RFX2: variants seen among roughly 807,000 people sequenced by gnomAD.
RFX2 encodes DNA-binding protein RFX2.
Under a neutral mutation model 87.8 loss-of-function variants are expected in RFX2, and 20 were observed. The observed-to-expected ratio is 0.23, with a 90% CI of 0.16 to 0.33. RFX2 has a LOEUF of 0.33. RFX2 is among the 10% of genes least tolerant of loss of function. RFX2 has a pLI of 1.00. For missense variants in RFX2, 767 were observed against 1,012.3 expected, an observed-to-expected ratio of 0.76 and a Z score of 3.29; for synonymous variants, 397 against 431.3, an observed-to-expected ratio of 0.92 and a Z score of 0.98.
intron 1 of RFX2, among the ~76,000 whole-genome samples, chr19:6,105,720 T>G (rs1320240307): frequency 2.0e-5 from 3 of 151,806 alleles, no homozygotes; most frequent in Non-Finnish European, 4.4e-5. Flanking sequence ...CATGGTCAGG[T>G]TCTGGGGAAC....
At position 6,007,263 on chromosome 19, in the gene RFX2, C is replaced by T; in HGVS notation, c.1248-97G>A. 1 of 1,302,680 alleles carries T rather than the reference C, an allele frequency of 7.7e-7. No homozygotes were observed. The highest frequency in any genetic ancestry group is 1.1e-6 in the Non-Finnish European group (1 of 935,794). 80.7% of individuals were successfully genotyped at this position (1,302,680 alleles called of 1,614,324 possible). On this transcript the variant is annotated intron_variant, in intron 11 of 17. Coordinates refer to ENST00000303657, the MANE Select transcript of RFX2 (RefSeq NM_000635.4). This position sits in a 1 kb window ranked among gnomAD's most constrained non-coding sequence, Gnocchi z 8.2. ...GAGAGCCGGGCTGCGGGACTTTTGC[C>T]CAACAGTGGGGCTGGGGTTTTGCTC...
Position 6,016,066 on chromosome 19 carries a change from G to A in RFX2, c.779+24C>T. ...CTTGGGAAAGGAAGAGGAAGAACAGGTGGGCTGGGGATCGTCTACCCACCT... is the reference window on the plus strand; with the variant it reads ...CTTGGGAAAGGAAGAGGAAGAACAGATGGGCTGGGGATCGTCTACCCACCT... On this transcript the variant is annotated intron_variant, in intron 7 of 17. Coordinates refer to ENST00000303657, the MANE Select transcript of RFX2 (RefSeq NM_000635.4). This position sits in a 1 kb window ranked among gnomAD's most constrained non-coding sequence, Gnocchi z 5.4. 6.4e-7 allele frequency: 1 copy of A among 1,564,448 alleles called. No homozygotes were observed. The highest frequency in any genetic ancestry group is 8.7e-7 in the Non-Finnish European group (1 of 1,151,740).
At position 6,045,802 on chromosome 19, in the gene RFX2, G is replaced by C. The variant is rs1458195039; in HGVS notation, c.91-1520C>G. On this transcript the variant is annotated intron_variant, in intron 2 of 17. Coordinates refer to ENST00000303657, the MANE Select transcript of RFX2 (RefSeq NM_000635.4). The surrounding 1 kb of genome is among the most constrained non-coding windows in gnomAD (Gnocchi z 5.2). ...TTCTCCTGCCTCAGCTTCCCGAGTA[G>C]CTGGGATTACAAGCATGTGCCACAA... Among the ~76,000 whole-genome samples, 1 of 152,062 alleles carries C rather than the reference G, an allele frequency of 6.6e-6. No homozygotes were observed. Among genetic ancestry groups the C allele is most frequent in the African/African-American group, 2.4e-5 (1 of 41,398 alleles).
chr19:6,063,490 T>C lies in RFX2; in HGVS notation c.-8-15986A>G, dbSNP rs1415909991. Among the ~76,000 whole-genome samples the C allele has an allele frequency of 2.0e-5, 3 of 152,120 alleles. No homozygotes were observed. The highest frequency in any genetic ancestry group is 6.5e-5 in the Admixed American group (1 of 15,278). On this transcript the variant is annotated intron_variant, in intron 1 of 17. Transcript: ENST00000303657. The surrounding 1 kb of genome is among the most constrained non-coding windows in gnomAD (Gnocchi z 4.0). ...GTCCATGCACCTGCCAGGGTGGGGA[T>C]GGACAAGACCCCTCCAGCAGGGCCA...
intron 1 of RFX2, among the ~76,000 whole-genome samples, chr19:6,092,614 C>A (rs561074326): frequency 6.6e-6 from 1 of 152,188 alleles, no homozygotes; most frequent in African/African-American, 2.4e-5. Flanking sequence ...CCAAGAGGCA[C>A]ACGCGAGCAT....
chr19:6,044,099 G>A lies in RFX2; in HGVS notation c.180+94C>T. ...CTGAAGCTTACAACAAGGAACAGCAGCCACAGAAAAGGATGCATCCTTCAG... is the reference window on the plus strand; with the variant it reads ...CTGAAGCTTACAACAAGGAACAGCAACCACAGAAAAGGATGCATCCTTCAG... On this transcript the variant is annotated intron_variant, in intron 3 of 17. Transcript: ENST00000303657. This position sits in a 1 kb window ranked among gnomAD's most constrained non-coding sequence, Gnocchi z 5.3. The A allele has an allele frequency of 1.6e-6, 1 of 617,942 alleles. No individual in the cohort carries two copies. The highest frequency in any genetic ancestry group is 2.4e-6 in the Non-Finnish European group (1 of 412,532). 38.3% of individuals were successfully genotyped at this position (617,942 alleles called of 1,614,324 possible).
chr19:6,055,210 G>C (rs2144794655), intron 1 of RFX2, among the ~76,000 whole-genome samples: 1 of 152,266 alleles, frequency 6.6e-6, no homozygotes, highest in East Asian at 1.9e-4. Flanking sequence ...ATCCAATGTT[G>C]TAAGTACATG....
intron 6 of RFX2, chr19:6,019,871 T>G (rs527725812): frequency 2.0e-5 from 3 of 152,336 alleles, no homozygotes; most frequent in Admixed American, 1.3e-4. Context: ...CGGAGCCAGG[T>G]TTGCCCATGT....
chr19:6,102,941 G>A (rs1599936135), intron 1 of RFX2, among the ~76,000 whole-genome samples: 1 of 152,254 alleles, frequency 6.6e-6, no homozygotes. Flanking sequence ...ACTCCAGCCT[G>A]GACAAGAGAG....
intron 3 of RFX2, among the ~76,000 whole-genome samples, chr19:6,043,423 G>A (rs10424464): frequency 2.0e-5 from 3 of 152,238 alleles, no homozygotes; most frequent in Non-Finnish European, 2.9e-5. Flanking sequence ...GAAGAGCGGT[G>A]CATTCTCTAG....
At position 6,047,919 on chromosome 19, in the gene RFX2, G is replaced by A. The variant is rs1367956917; in HGVS notation, c.-8-415C>T. 2.0e-5 allele frequency among the ~76,000 whole-genome samples: 3 copies of A among 152,204 alleles called. No homozygotes were observed. Among genetic ancestry groups the A allele is most frequent in the African/African-American group, 4.8e-5 (2 of 41,444 alleles). ...AAGCTACTGCACCCCAAACGACAAC[G>A]GGAGAAACTCTAAGGCTGGGTTTCC... On this transcript the variant is annotated intron_variant, in intron 1 of 17. Coordinates refer to ENST00000303657, the MANE Select transcript of RFX2 (RefSeq NM_000635.4). This position sits in a 1 kb window ranked among gnomAD's most constrained non-coding sequence, Gnocchi z 4.2.
Position 5,998,698 on chromosome 19 carries a change from C to T in RFX2, c.1860-1485G>A, listed in dbSNP as rs1194265829. On this transcript the variant is annotated intron_variant, in intron 15 of 17. Coordinates refer to ENST00000303657, the MANE Select transcript of RFX2 (RefSeq NM_000635.4). The surrounding 1 kb of genome is among the most constrained non-coding windows in gnomAD (Gnocchi z 4.2). ...CACTCTGCAACCAGCTTCCCCACAG[C>T]CCCGGTGTCTGGTGCGATGCTTCAG... Among the ~76,000 whole-genome samples, 1 of 152,168 alleles carries T rather than the reference C, an allele frequency of 6.6e-6. No individual in the cohort carries two copies. Among genetic ancestry groups the T allele is most frequent in the Non-Finnish European group, 1.5e-5 (1 of 68,038 alleles).
chr19:6,091,787 A>G (rs905548944), intron 1 of RFX2, among the ~76,000 whole-genome samples: 1 of 152,234 alleles, frequency 6.6e-6, no homozygotes, highest in Non-Finnish European at 1.5e-5. Context: ...AGGAACTCTG[A>G]GTCTAAGCCG....
intron 1 of RFX2, among the ~76,000 whole-genome samples, chr19:6,070,281 G>A (rs2087587634): frequency 6.6e-6 from 1 of 151,034 alleles, no homozygotes; most frequent in Non-Finnish European, 1.5e-5. Context: ...CAGAACACAG[G>A]TGGGCTTGGC....
rs1043749243 is a variant in RFX2, at chr19:6,056,973, C to T, written c.-8-9469G>A. On this transcript the variant is annotated intron_variant, in intron 1 of 17. Coordinates refer to ENST00000303657, the MANE Select transcript of RFX2 (RefSeq NM_000635.4). The surrounding 1 kb of genome is among the most constrained non-coding windows in gnomAD (Gnocchi z 4.6). ...CCTCCCTCGTGCCTCAGAAATATGCCCGGAGTGCTGTTTATAAGCTGAGCA... is the reference window on the plus strand; with the variant it reads ...CCTCCCTCGTGCCTCAGAAATATGCTCGGAGTGCTGTTTATAAGCTGAGCA... Among the ~76,000 whole-genome samples the T allele has an allele frequency of 6.6e-6, 1 of 152,140 alleles. No homozygotes were observed. Among genetic ancestry groups the T allele is most frequent in the Non-Finnish European group, 1.5e-5 (1 of 68,040 alleles).
intron 1 of RFX2, among the ~76,000 whole-genome samples, chr19:6,062,959 C>G (rs1306604623): frequency 6.6e-6 from 1 of 152,142 alleles, no homozygotes; most frequent in Non-Finnish European, 1.5e-5. Flanking sequence ...CTCGTCCTTT[C>G]CCTCCCCTTC....
At chr19:6,088,514 A>ATT (rs111725429) in intron 1 of RFX2, among the ~76,000 whole-genome samples, 7 of 151,194 alleles carry the variant, frequency 4.6e-5, no homozygotes, top group Non-Finnish European at 7.4e-5. Context: ...CCAGCCCAGC[A>ATT]TTTTTTTTTA....
chr19:6,106,206 C>T (rs1412083775), intron 1 of RFX2, among the ~76,000 whole-genome samples: 2 of 151,598 alleles, frequency 1.3e-5, no homozygotes, highest in Non-Finnish European at 2.9e-5. Flanking sequence ...TTCTCTAATT[C>T]CCAGTGTATA....
At position 5,997,015 on chromosome 19, in the gene RFX2, C is replaced by CAGGCCCGGCCA; in HGVS notation, c.2013+34_2013+44dup. The CAGGCCCGGCCA allele has an allele frequency of 2.5e-6, 4 of 1,572,938 alleles. No homozygotes were observed. The highest frequency in any genetic ancestry group is 2.6e-6 in the Non-Finnish European group (3 of 1,162,700). ...CTCAGAGCACACCGCCCTCTCCCCA[C>CAGGCCCGGCCA]AGGCCCGGCCAAGCCCCGGCCGTCC... On this transcript the variant is annotated intron_variant, in intron 16 of 17. Transcript: ENST00000303657. The surrounding 1 kb of genome is among the most constrained non-coding windows in gnomAD (Gnocchi z 4.2).
Sources: gnomAD v4.1 joint callset for allele counts (sites outside exome capture counted in the v4.1 genomes callset) on GRCh38, gnomAD v4.1.1 for gene constraint, Gnocchi (gnomAD v3.1) non-coding constraint, MANE v1.5 for transcripts, NCBI Gene and HGNC (gene_info 2026-07-23, HGNC 2026-07-21) for gene names.